VTA1: variants seen among roughly 807,000 people sequenced by gnomAD.
VTA1 encodes the protein vacuolar protein sorting-associated protein VTA1 homolog.
Under a neutral mutation model 36.9 loss-of-function variants are expected in VTA1, and 24 were observed. The observed-to-expected ratio is 0.65, with a 90% CI of 0.47 to 0.91. VTA1 has a LOEUF of 0.91. VTA1 is among the 40% of genes least tolerant of loss of function. The pLI is 0.00. For missense variants in VTA1, 393 were observed against 377.2 expected (o/e 1.04, Z -0.35); for synonymous variants, 142 against 130.2 (o/e 1.09, Z -0.62).
intron 6 of VTA1, among the ~76,000 whole-genome samples, chr6:142,199,184 A>G (rs2114674402): frequency 6.6e-6 from 1 of 152,104 alleles, no homozygotes; most frequent in South Asian, 2.1e-4. Context: ...CAGGAAAGAG[A>G]GACCTATCTG....
rs145265704 is a variant in VTA1, at chr6:142,147,885, C to T, written c.112+486C>T. On this transcript the variant is annotated intron_variant, in intron 1 of 7. Coordinates refer to ENST00000367630, the MANE Select transcript of VTA1 (RefSeq NM_016485.5). ...CATTTGGTTAAATGGGGAGTATCTG[C>T]TACTAAATAAGCAGTTGAATTTGAC... is the stretch of plus-strand genomic sequence containing the variant. 1.5e-3 allele frequency among the ~76,000 whole-genome samples: 232 copies of T among 152,296 alleles called. 5 individuals carry two copies. The highest frequency in any genetic ancestry group is 0.014 in the Middle Eastern group (4 of 294).
chr6:142,151,259 C>T (rs549262064), intron 1 of VTA1, among the ~76,000 whole-genome samples: 5 of 152,238 alleles, frequency 3.3e-5, no homozygotes, highest in African/African-American at 1.2e-4. Context: ...AAATCTCAGT[C>T]TTTCAGAGTC....
chr6:142,182,985 C>T (rs542865128), intron 4 of VTA1, among the ~76,000 whole-genome samples: 6 of 151,704 alleles, frequency 4.0e-5, no homozygotes, highest in East Asian at 2.0e-4. Context: ...ACTGAAGGAG[C>T]GCGCAGCAAG....
At chr6:142,181,094 A>AAAAATATATATATATAT (rs1471429927) in intron 4 of VTA1, among the ~76,000 whole-genome samples, 86 of 36,412 alleles carry the variant, frequency 2.4e-3, no homozygotes, top group Non-Finnish European at 4.0e-3. Flanking sequence ...AAAAAAAAAA[A>AAAAATATATATATATAT]ATATATATAT....
intron 1 of VTA1, among the ~76,000 whole-genome samples, chr6:142,149,094 T>C (rs1369410525): frequency 1.3e-5 from 2 of 152,236 alleles, no homozygotes; most frequent in Non-Finnish European, 2.9e-5. Flanking sequence ...AAATATAACA[T>C]AAACTCTCAC....
rs1776061149 is a variant in VTA1, at chr6:142,219,342, G to C, written c.*699G>C. The stretch of plus-strand genomic sequence containing the variant: ...TGAATTGGTATTTGCTTCATAGGCA[G>C]TTTGACTGCATGTATTAGAGAATGA... On this transcript the variant is annotated 3_prime_UTR_variant, in exon 8 of 8. Coordinates refer to ENST00000367630, the MANE Select transcript of VTA1 (RefSeq NM_016485.5). 1 of 152,218 alleles carries C rather than the reference G, an allele frequency of 6.6e-6. No individual in the cohort carries two copies. Among genetic ancestry groups the C allele is most frequent in the Admixed American group, 6.5e-5 (1 of 15,280 alleles). 9.4% of individuals were successfully genotyped at this position (152,218 alleles called of 1,614,324 possible). A position where few individuals can be genotyped will look rare whatever the true frequency, so the allele number is the denominator to read the frequency against.
intron 5 of VTA1, among the ~76,000 whole-genome samples, chr6:142,194,777 A>C (rs1006889190): frequency 3.5e-4 from 53 of 152,072 alleles, no homozygotes; most frequent in African/African-American, 1.3e-3. Context: ...AAATATGTCC[A>C]TTGTTTTGTT....
Position 142,176,616 on chromosome 6 carries a change from T to A in VTA1, c.411+6195T>A, listed in dbSNP as rs73777134. Among the ~76,000 whole-genome samples, 239 of 151,910 alleles carry A rather than the reference T, an allele frequency of 1.6e-3. 3 individuals carry two copies. The highest frequency in any genetic ancestry group is 6.0e-3 in the East Asian group (31 of 5,186). On this transcript the variant is annotated intron_variant, in intron 4 of 7. Transcript: ENST00000367630. ...AAGGTTCAGCCTTTTTTTTTTTTTT[T>A]AAATTTTCAATTCTTTGCAGATGAT...
At chr6:142,211,083 G>A (rs557367386) in intron 7 of VTA1, among the ~76,000 whole-genome samples, 52 of 152,132 alleles carry the variant, frequency 3.4e-4, no homozygotes, top group African/African-American at 1.1e-3. Flanking sequence ...GACACATATC[G>A]TATGTTCTCA....
At chr6:142,191,985 G>T (rs1426335575) in intron 5 of VTA1, among the ~76,000 whole-genome samples, 1 of 151,900 alleles carries the variant, frequency 6.6e-6, no homozygotes, top group Non-Finnish European at 1.5e-5. Flanking sequence ...TAGTAAAACC[G>T]TAGAAAATAA....
At chr6:142,189,569 G>C in intron 5 of VTA1, 35 bp downstream of exon 5, 1 of 1,541,778 alleles carries the variant, frequency 6.5e-7, no homozygotes, top group Non-Finnish European at 8.9e-7. Flanking sequence ...AAAGGACTTA[G>C]TAGAATCATA....
At chr6:142,178,140 A>T (rs1001515433) in intron 4 of VTA1, among the ~76,000 whole-genome samples, 3 of 152,158 alleles carry the variant, frequency 2.0e-5, no homozygotes, top group Non-Finnish European at 4.4e-5. Flanking sequence ...TTGTAGTCAA[A>T]CCACTGAAGT....
At chr6:142,187,969 G>T in intron 4 of VTA1, among the ~76,000 whole-genome samples, 1 of 147,886 alleles carries the variant, frequency 6.8e-6, no homozygotes, top group Admixed American at 6.8e-5. Context: ...GTGCAGTGGC[G>T]CAGTCTTGGC....
chr6:142,193,422 A>G (rs1775490338), intron 5 of VTA1, among the ~76,000 whole-genome samples: 1 of 152,086 alleles, frequency 6.6e-6, no homozygotes, highest in Admixed American at 6.6e-5. Context: ...TATTATGTAA[A>G]TATCCTATAT....
chr6:142,207,627 A>G (rs182961071), intron 7 of VTA1, among the ~76,000 whole-genome samples: 54 of 152,240 alleles, frequency 3.5e-4, no homozygotes, highest in African/African-American at 1.2e-3. Flanking sequence ...GGAGGTAGCG[A>G]CCTAGCAGTG....
chr6:142,162,812 A>T (rs752246352), intron 1 of VTA1, among the ~76,000 whole-genome samples: 11 of 152,308 alleles, frequency 7.2e-5, no homozygotes, highest in Non-Finnish European at 1.5e-4. Flanking sequence ...GAGAAGACTG[A>T]TCATAATGAA....
intron 1 of VTA1, among the ~76,000 whole-genome samples, chr6:142,161,233 ATATT>A (rs1457277072): frequency 2.0e-5 from 3 of 152,132 alleles, no homozygotes; most frequent in African/African-American, 4.8e-5. Flanking sequence ...GATCTGCAAT[ATATT>A]TAGGAATAGA....
intron 4 of VTA1, 37 bp from the exon 5 acceptor site, chr6:142,189,389 C>CTA (rs775910502): frequency 2.0e-6 from 3 of 1,490,204 alleles, no homozygotes; most frequent in Non-Finnish European, 2.8e-6. Flanking sequence ...ACTTCTTTAC[C>CTA]ATAGTCCAAT....
intron 7 of VTA1, among the ~76,000 whole-genome samples, chr6:142,209,110 A>G (rs1775850883): frequency 6.6e-6 from 1 of 152,128 alleles, no homozygotes; most frequent in Non-Finnish European, 1.5e-5. Flanking sequence ...TCTTATGCCT[A>G]TAAAAACCTA....
Sources: gnomAD v4.1 joint callset for allele counts (sites outside exome capture counted in the v4.1 genomes callset) on GRCh38, gnomAD v4.1.1 for gene constraint, MANE v1.5 for transcripts, NCBI Gene and HGNC (gene_info 2026-07-23, HGNC 2026-07-21) for gene names.